Variants in CCDC33 observed in about 807,000 individuals in gnomAD.
CCDC33 encodes coiled-coil domain containing 33, also known as coiled-coil domain-containing protein 33.
In CCDC33, 94 loss-of-function variants were observed where a neutral mutation model predicts 91.9. The observed-to-expected ratio is 1.02, with a 90% CI of 0.87 to 1.21. CCDC33 has a LOEUF of 1.21. CCDC33 is among the 50% of genes most tolerant of loss of function. The probability of loss-of-function intolerance (pLI) is 0.00; values close to 1 mark genes in which losing one functional copy is unlikely to be tolerated. For synonymous variants in CCDC33, 396 were observed against 374.5 expected (o/e 1.06, Z -0.66); for missense variants, 940 against 935.5 (o/e 1.00, Z -0.06).
At chr15:74,262,687 C>T in intron 3 of CCDC33, 114 bp downstream of exon 3, 1 of 1,155,246 alleles carries the variant, frequency 8.7e-7, no homozygotes, top group Non-Finnish European at 1.2e-6. Context: ...CTGAACACCT[C>T]CTTGGGCTCA....
intron 2 of CCDC33, among the ~76,000 whole-genome samples, chr15:74,253,478 C>T (rs1333010768): frequency 1.3e-5 from 2 of 152,170 alleles, no homozygotes; most frequent in Non-Finnish European, 1.5e-5. Context: ...TCCATGCACA[C>T]ACTTAAGTTT....
chr15:74,268,048 A>C (rs1343990626), intron 4 of CCDC33, among the ~76,000 whole-genome samples: 3 of 152,230 alleles, frequency 2.0e-5, no homozygotes, highest in African/African-American at 4.8e-5. Context: ...GGCATCACCC[A>C]GGCCCCCTGG....
intron 10 of CCDC33, among the ~76,000 whole-genome samples, chr15:74,291,275 A>G (rs2059579619): frequency 6.6e-6 from 1 of 152,254 alleles, no homozygotes; most frequent in Admixed American, 6.5e-5. Context: ...ATAAGAACCT[A>G]CAACTGCAGC....
intron 11 of CCDC33, among the ~76,000 whole-genome samples, chr15:74,315,834 A>G (rs1201309935): frequency 6.6e-6 from 1 of 152,084 alleles, no homozygotes; most frequent in Non-Finnish European, 1.5e-5. Context: ...GGGGAGCTGC[A>G]CTATTAAGTG....
At chr15:74,262,639 C>T in intron 3 of CCDC33, 66 bp downstream of exon 3, 1 of 1,529,974 alleles carries the variant, frequency 6.5e-7, no homozygotes, top group Admixed American at 2.0e-5. Flanking sequence ...GGACTTAGAG[C>T]AAGAAGCAGG....
At chr15:74,228,868 G>T (rs554093747) in intron 2 of CCDC33, among the ~76,000 whole-genome samples, 1 of 152,190 alleles carries the variant, frequency 6.6e-6, no homozygotes, top group Non-Finnish European at 1.5e-5. Flanking sequence ...ATGAGATTAG[G>T]GCCAGAGGCT....
In CCDC33 at chr15:74,330,293, C is replaced by T. The variant is rs748424234; in HGVS notation, c.1395C>T (p.Ser465=). ...AAGGAGAGAACCGCATACTGAGGAG[C>T]CGCCTGGCCCAGCAGGAGGAGGAAG... ...ILEGENRILR[S]RLAQQEEEEG... Residue 465 remains serine, a synonymous_variant, in exon 12 of 19, where the codon AGC becomes AGT. Transcript: ENST00000398814. The T allele has an allele frequency of 2.5e-6, 4 of 1,611,668 alleles. No individual in the cohort carries two copies. The highest frequency in any genetic ancestry group is 3.4e-6 in the Non-Finnish European group (4 of 1,179,524).
chr15:74,209,327 G>C, intron 1 of CCDC33: 1 of 1,502,304 alleles, frequency 6.7e-7, no homozygotes, highest in Non-Finnish European at 9.0e-7. Context: ...CCCAGATGTG[G>C]CCTTAGAGAA....
intron 17 of CCDC33, among the ~76,000 whole-genome samples, chr15:74,334,385 CAGGGTTCAGTGTGTGACCAGGGTT>C (rs1414317888): frequency 2.0e-5 from 3 of 148,640 alleles, no homozygotes; most frequent in East Asian, 4.0e-4. Flanking sequence ...CATCCAGGGT[CAGGGTTCAGTGTGTGACCAGGGTT>C]AGGGTTCAGT....
intron 6 of CCDC33, among the ~76,000 whole-genome samples, chr15:74,272,567 C>T (rs534423245): frequency 3.3e-5 from 5 of 152,200 alleles, no homozygotes; most frequent in African/African-American, 1.2e-4. Flanking sequence ...ACTTATGAAG[C>T]CCCCTTGCTT....
At chr15:74,330,123 G>C in intron 11 of CCDC33, 66 bp from the exon 12 acceptor site, 1 of 1,508,630 alleles carries the variant, frequency 6.6e-7, no homozygotes, top group Non-Finnish European at 8.9e-7. Context: ...TTCAAGTGTA[G>C]ATGTGGATGT....
chr15:74,267,835 G>T (rs1198423964), intron 4 of CCDC33, among the ~76,000 whole-genome samples: 1 of 152,180 alleles, frequency 6.6e-6, no homozygotes, highest in African/African-American at 2.4e-5. Context: ...AGTTTGGTCA[G>T]TTACCCTCCC....
At chr15:74,213,834 G>GT (rs2074390473), upstream of CCDC33, among the ~76,000 whole-genome samples, 1 of 152,214 alleles carries the variant, frequency 6.6e-6, no homozygotes, top group Non-Finnish European at 1.5e-5. Flanking sequence ...GCTGGGTGCT[G>GT]AAGGCCCAGG....
intron 11 of CCDC33, among the ~76,000 whole-genome samples, chr15:74,306,005 G>A (rs554450136): frequency 7.0e-4 from 106 of 152,280 alleles, no homozygotes; most frequent in African/African-American, 2.4e-3. Flanking sequence ...GTAAAGGGCC[G>A]TCCACTTTGG....
At chr15:74,284,443 A>G (rs2059432721) in intron 10 of CCDC33, among the ~76,000 whole-genome samples, 1 of 152,202 alleles carries the variant, frequency 6.6e-6, no homozygotes, top group African/African-American at 2.4e-5. Context: ...CTAAATCTAA[A>G]GGGGCCCATC....
chr15:74,315,662 G>A (rs950230017), intron 11 of CCDC33, among the ~76,000 whole-genome samples: 1 of 152,248 alleles, frequency 6.6e-6, no homozygotes, highest in African/African-American at 2.4e-5. Flanking sequence ...TAGGAGGTGG[G>A]CTTTGCAGAA....
upstream of CCDC33, among the ~76,000 whole-genome samples, chr15:74,216,668 A>G (rs1482944123): frequency 7.7e-6 from 1 of 129,914 alleles, no homozygotes; most frequent in Non-Finnish European, 1.6e-5. Flanking sequence ...AAAAAGGTAA[A>G]CTAAGGGCTT....
intron 2 of CCDC33, among the ~76,000 whole-genome samples, chr15:74,247,371 T>TATAC (rs1186535466): frequency 2.0e-5 from 3 of 148,616 alleles, no homozygotes; most frequent in Non-Finnish European, 3.0e-5. Flanking sequence ...TATATATATA[T>TATAC]ACACACACAC....
chr15:74,203,151 G>A, intron 1 of CCDC33: 2 of 985,576 alleles, frequency 2.0e-6, no homozygotes, highest in South Asian at 9.4e-5. Context: ...AGGGGAATCT[G>A]TCCGTTTCTT....
Sources: gnomAD v4.1 joint callset for allele counts (sites outside exome capture counted in the v4.1 genomes callset) on GRCh38, gnomAD v4.1.1 for gene constraint, MANE v1.5 for transcripts, NCBI Gene and HGNC (gene_info 2026-07-23, HGNC 2026-07-21) for gene names.